P3H2: variants seen among roughly 807,000 people sequenced by gnomAD.
P3H2 encodes prolyl 3-hydroxylase 2.
Under a neutral mutation model 87.0 loss-of-function variants are expected in P3H2, and 80 were observed. That is an observed-to-expected ratio of 0.92 (90% CI 0.77 to 1.11). The LOEUF is 1.11. P3H2 is among the 50% of genes least tolerant of loss of function. The pLI is 0.00. For missense variants in P3H2, 1,001 were observed against 923.9 expected (o/e 1.08, Z -1.08); for synonymous variants, 367 against 359.3 (o/e 1.02, Z -0.24).
intron 6 of P3H2, among the ~76,000 whole-genome samples, chr3:189,986,480 TC>T (rs1167113904): frequency 3.9e-5 from 6 of 152,054 alleles, no homozygotes; most frequent in Non-Finnish European, 8.8e-5. Context: ...TCCCAGCTAC[TC>T]GGGAGGCTGA....
At chr3:190,012,207 G>GGGGTGTGTGTGTGTGT (rs1283396692) in intron 1 of P3H2, among the ~76,000 whole-genome samples, 2 of 145,702 alleles carry the variant, frequency 1.4e-5, no homozygotes, top group African/African-American at 5.1e-5. Flanking sequence ...TGTAGGTAAA[G>GGGGTGTGTGTGTGTGT]GTGTGTGTGT....
chr3:190,019,785 A>ATATAT lies in P3H2; in HGVS notation c.481-24344_481-24343insATATA, dbSNP rs1560365170. 3.4e-3 allele frequency among the ~76,000 whole-genome samples: 128 copies of ATATAT among 37,382 alleles called. 16 individuals carry two copies. Among genetic ancestry groups the ATATAT allele is most frequent in the African/African-American group, 6.2e-3 (94 of 15,078 alleles). 24.5% of individuals were successfully genotyped at this position (37,382 alleles called of 152,430 possible). A position where few individuals can be genotyped will look rare whatever the true frequency, so the allele number is the denominator to read the frequency against. ...ATGTGACATTACCTAGAAATTAAAA[A>ATATAT]ATATATATATATATATATATATATA... On this transcript the variant is annotated intron_variant, in intron 1 of 14. Coordinates refer to ENST00000319332, the MANE Select transcript of P3H2 (RefSeq NM_018192.4).
intron 3 of P3H2, among the ~76,000 whole-genome samples, chr3:189,992,421 A>G (rs1465667003): frequency 3.3e-5 from 5 of 152,190 alleles, no homozygotes. Flanking sequence ...GGAAGACTGA[A>G]AGCACTGGAA....
intron 1 of P3H2, among the ~76,000 whole-genome samples, chr3:190,021,822 G>A (rs936396146): frequency 1.5e-5 from 2 of 135,000 alleles, no homozygotes; most frequent in East Asian, 5.0e-4. Flanking sequence ...CTCTGACCTT[G>A]AGGATCTACT....
intron 1 of P3H2, among the ~76,000 whole-genome samples, chr3:190,005,171 C>G (rs1724349155): frequency 6.6e-6 from 1 of 152,120 alleles, no homozygotes; most frequent in Non-Finnish European, 1.5e-5. Context: ...TTTTTCTGAT[C>G]TTGAGAATAT....
In P3H2 at chr3:190,035,172, C is replaced by A. The variant is rs78094636; in HGVS notation, c.481-39730G>T. Among the ~76,000 whole-genome samples the A allele has an allele frequency of 1.5e-3, 230 of 151,624 alleles. 1 individual carries two copies. Among genetic ancestry groups the A allele is most frequent in the African/African-American group, 5.4e-3 (222 of 41,376 alleles). On this transcript the variant is annotated intron_variant, in intron 1 of 14. Coordinates refer to ENST00000319332, the MANE Select transcript of P3H2 (RefSeq NM_018192.4). Reference sequence around the variant, plus strand: ...CCCCAAATGGCTATTTTTTTCTTTTCTTTTTTTTGGTTTTTTTGTTTGTAA... The same window carrying A: ...CCCCAAATGGCTATTTTTTTCTTTTATTTTTTTTGGTTTTTTTGTTTGTAA...
rs115596050 is a variant in P3H2, at chr3:189,988,973, G to A, written c.889C>T (p.Arg297Cys). The change falls in exon 4 of 15, where the codon CGC becomes TGC. Residue 297 changes from arginine (R) to cysteine (C), a missense_variant. Coordinates refer to ENST00000319332, the MANE Select transcript of P3H2 (RefSeq NM_018192.4). ...AGAAAATTCTCGATGGGAGAGAGGC[G>A]GCCAGGGCGGGTGGCAAGTTCCCTC... ...CVRELATRPG[R>C]LSPIENFLPL... The A allele has an allele frequency of 1.6e-4, 259 of 1,613,956 alleles. 2 individuals are homozygous for A. The East Asian group carries it at 5.1e-3, about 32-fold the overall frequency.
chr3:190,106,140 G>A (rs1711827753), intron 1 of P3H2, among the ~76,000 whole-genome samples: 1 of 152,132 alleles, frequency 6.6e-6, no homozygotes, highest in African/African-American at 2.4e-5. Context: ...TTTGGAATGT[G>A]TTTGAACAGA....
At chr3:190,092,058 C>A (rs1560397873) in intron 1 of P3H2, among the ~76,000 whole-genome samples, 1 of 151,988 alleles carries the variant, frequency 6.6e-6, no homozygotes, top group Non-Finnish European at 1.5e-5. Flanking sequence ...CATGGTGAAA[C>A]CCCGTCTCCA....
chr3:190,117,663 A>C (rs1453834745), intron 1 of P3H2, among the ~76,000 whole-genome samples: 1 of 129,890 alleles, frequency 7.7e-6, no homozygotes, highest in African/African-American at 3.0e-5. Context: ...TTTTTTTTTC[A>C]GTCTCAAAAG....
intron 1 of P3H2, among the ~76,000 whole-genome samples, chr3:190,068,575 G>C (rs769853109): frequency 5.3e-5 from 8 of 152,116 alleles, no homozygotes; most frequent in Non-Finnish European, 1.2e-4. Flanking sequence ...AGTTACTAAG[G>C]AGCTGGCAAA....
intron 1 of P3H2, among the ~76,000 whole-genome samples, chr3:190,099,449 T>G (rs1403656122): frequency 9.9e-5 from 15 of 152,254 alleles, no homozygotes; most frequent in Admixed American, 9.8e-4. Context: ...AACTCCTTTT[T>G]TCTTTATCAC....
chr3:189,962,332 G>A (rs958196378), intron 14 of P3H2, among the ~76,000 whole-genome samples: 19 of 151,764 alleles, frequency 1.3e-4, no homozygotes. Flanking sequence ...GTGCCACCAC[G>A]CCAGGCTAAT....
intron 1 of P3H2, among the ~76,000 whole-genome samples, chr3:190,097,489 A>G (rs902601345): frequency 1.3e-5 from 2 of 152,194 alleles, no homozygotes; most frequent in Non-Finnish European, 2.9e-5. Context: ...TTATGACATG[A>G]AAAACAATGA....
At chr3:190,108,051 C>T (rs1711918200) in intron 1 of P3H2, among the ~76,000 whole-genome samples, 1 of 152,088 alleles carries the variant, frequency 6.6e-6, no homozygotes, top group African/African-American at 2.4e-5. Context: ...AAGCAATCTT[C>T]CAGCCTCTAC....
At chr3:189,977,789 T>A (rs1459356626) in intron 8 of P3H2, among the ~76,000 whole-genome samples, 1 of 151,750 alleles carries the variant, frequency 6.6e-6, no homozygotes, top group Non-Finnish European at 1.5e-5. Flanking sequence ...GTCAGGGTCT[T>A]GTTATTTTTT....
intron 1 of P3H2, among the ~76,000 whole-genome samples, chr3:189,996,115 T>C (rs780168895): frequency 1.2e-4 from 18 of 152,148 alleles, no homozygotes; most frequent in Non-Finnish European, 2.5e-4. Context: ...TGGGTATATA[T>C]CCAAAGGAAA....
intron 1 of P3H2, among the ~76,000 whole-genome samples, chr3:190,000,997 G>GT: frequency 6.6e-6 from 1 of 152,316 alleles, no homozygotes; most frequent in Non-Finnish European, 1.5e-5. Flanking sequence ...GCAGCACAGC[G>GT]TAAGTCAGTT....
At position 189,986,793 on chromosome 3, in the gene P3H2, C is replaced by A; in HGVS notation, c.1183G>T (p.Glu395Ter). The A allele has an allele frequency of 1.3e-6, 2 of 1,596,436 alleles. No individual in the cohort carries two copies. The highest frequency in any genetic ancestry group is 1.7e-6 in the Non-Finnish European group (2 of 1,163,998). The change falls in exon 6 of 15, where the codon GAA becomes TAA. Residue 395 changes from glutamate (E) to a stop codon, truncating the protein, a stop_gained. Coordinates refer to ENST00000319332, the MANE Select transcript of P3H2 (RefSeq NM_018192.4). LOFTEE classifies it high-confidence loss of function. ...AAEGLGFSYTEPNYWIRYGGR... is the reference protein window; with the variant it reads ...AAEGLGFSYT The stretch of plus-strand genomic sequence containing the variant: ...CGTTTCCTCTTTCCTCTTACCGGTT[C>A]AGTGTATGAAAACCCCAGACCTTCT...
Sources: gnomAD v4.1 joint callset for allele counts (sites outside exome capture counted in the v4.1 genomes callset) on GRCh38, gnomAD v4.1.1 for gene constraint, MANE v1.5 for transcripts, NCBI Gene and HGNC (gene_info 2026-07-23, HGNC 2026-07-21) for gene names.